SCHIP1: variants seen among roughly 807,000 people sequenced by gnomAD.
SCHIP1 encodes the protein schwannomin-interacting protein 1.
SCHIP1 carries 8 observed loss-of-function variants against 29.7 expected under a neutral mutation model. That is an observed-to-expected ratio of 0.27 (90% CI 0.16 to 0.49). The LOEUF is 0.49. Among genes scored for constraint, SCHIP1 ranks in the 20% least tolerant of loss-of-function variants. The probability of loss-of-function intolerance (pLI) is 0.99; values close to 1 mark genes in which losing one functional copy is unlikely to be tolerated. For missense variants in SCHIP1, 193 were observed against 294.6 expected (o/e 0.66, Z 2.52); for synonymous variants, 76 against 94.9 (o/e 0.80, Z 1.16).
chr3:159,831,761 G>A, the SCHIP1 span, among the ~76,000 whole-genome samples: 2,056 of 152,140 alleles, frequency 0.014, 40 homozygotes, highest in African/African-American at 0.047. Context: ...ATGGCACGAG[G>A]GTTCATCAGA....
At chr3:159,314,374 T>C in the SCHIP1 span, among the ~76,000 whole-genome samples, 36 of 152,218 alleles carry the variant, frequency 2.4e-4, no homozygotes, top group African/African-American at 7.2e-4. Flanking sequence ...AGATCAATAC[T>C]CCATTTCATT....
intron 2 of SCHIP1, among the ~76,000 whole-genome samples, chr3:159,880,684 C>T (rs1716348821): frequency 6.6e-6 from 1 of 152,190 alleles, no homozygotes; most frequent in Admixed American, 6.5e-5. Flanking sequence ...TACTCAGCAC[C>T]AGCCTATTGG....
chr3:159,892,373 A>G (rs1207820376), intron 6 of SCHIP1, 183 bp downstream of exon 7: 4 of 661,142 alleles, frequency 6.1e-6, no homozygotes, highest in Non-Finnish European at 1.0e-5. Flanking sequence ...TACCAAATGC[A>G]TGCTTTTTAG....
chr3:159,675,758 C>T, the SCHIP1 span, among the ~76,000 whole-genome samples: 2 of 152,172 alleles, frequency 1.3e-5, no homozygotes, highest in Non-Finnish European at 2.9e-5. Context: ...GAAATCTATG[C>T]AAAGAAAAGT....
chr3:159,397,594 T>C, the SCHIP1 span, among the ~76,000 whole-genome samples: 1 of 152,174 alleles, frequency 6.6e-6, no homozygotes, highest in Non-Finnish European at 1.5e-5. Flanking sequence ...GAGGTGTCAA[T>C]CTTCCCCTGC....
At chr3:159,752,204 G>A in the SCHIP1 span, among the ~76,000 whole-genome samples, 496 of 152,058 alleles carry the variant, frequency 3.3e-3, 4 homozygotes, top group African/African-American at 0.011. Context: ...TCTTTATAGC[G>A]GTGCAAGAAC....
the SCHIP1 span, among the ~76,000 whole-genome samples, chr3:159,722,644 G>A: frequency 6.6e-5 from 10 of 152,180 alleles, no homozygotes; most frequent in Non-Finnish European, 1.5e-5. Context: ...GTGCGAGAGA[G>A]AAGCATGTAT....
the SCHIP1 span, among the ~76,000 whole-genome samples, chr3:159,313,811 C>T: frequency 6.6e-6 from 1 of 152,074 alleles, no homozygotes; most frequent in African/African-American, 2.4e-5. Flanking sequence ...TGCAACTGGT[C>T]CTCATTATTG....
At chr3:159,570,520 C>A in the SCHIP1 span, among the ~76,000 whole-genome samples, 1 of 152,134 alleles carries the variant, frequency 6.6e-6, no homozygotes, top group Non-Finnish European at 1.5e-5. Context: ...GTTTTGGTAC[C>A]AGTGCCATGC....
At chr3:159,819,379 G>A in the SCHIP1 span, among the ~76,000 whole-genome samples, 12 of 152,276 alleles carry the variant, frequency 7.9e-5, no homozygotes, top group South Asian at 2.3e-3. Flanking sequence ...CCACACTTAA[G>A]GGGAAGGGAA....
the SCHIP1 span, chr3:159,387,311 A>G: frequency 3.3e-6 from 1 of 307,024 alleles, no homozygotes; most frequent in Non-Finnish European, 6.4e-6. Context: ...GCCCCCAGGA[A>G]AAAGTCAATT....
chr3:159,406,098 A>G, the SCHIP1 span, among the ~76,000 whole-genome samples: 3 of 151,704 alleles, frequency 2.0e-5, no homozygotes, highest in Non-Finnish European at 4.4e-5. Context: ...CTAGAGGAAG[A>G]TATCAATATT....
chr3:159,427,600 G>A, the SCHIP1 span, among the ~76,000 whole-genome samples: 10 of 150,886 alleles, frequency 6.6e-5, no homozygotes, highest in South Asian at 2.1e-4. Flanking sequence ...AATCAATATC[G>A]TGAAAATGGC....
chr3:159,572,934 GT>G, the SCHIP1 span, among the ~76,000 whole-genome samples: 33,457 of 140,092 alleles, frequency 0.24, 6,491 homozygotes, highest in African/African-American at 0.55. Context: ...GCAACCTCTG[GT>G]TTTTTTTTTT....
the SCHIP1 span, among the ~76,000 whole-genome samples, chr3:159,374,578 T>A: frequency 6.6e-6 from 1 of 152,102 alleles, no homozygotes; most frequent in Non-Finnish European, 1.5e-5. Flanking sequence ...CATGACAAAA[T>A]CAATTCATGC....
At chr3:159,829,786 A>G in the SCHIP1 span, among the ~76,000 whole-genome samples, 2 of 152,230 alleles carry the variant, frequency 1.3e-5, no homozygotes, top group African/African-American at 4.8e-5. Flanking sequence ...GTTCAGTGCC[A>G]GGTTAGGATC....
chr3:159,597,675 G>T, the SCHIP1 span, among the ~76,000 whole-genome samples: 1 of 151,950 alleles, frequency 6.6e-6, no homozygotes, highest in African/African-American at 2.4e-5. Context: ...ATCCATTCAC[G>T]CATTGATGGA....
the SCHIP1 span, among the ~76,000 whole-genome samples, chr3:159,777,878 T>C: frequency 2.6e-5 from 4 of 152,264 alleles, no homozygotes; most frequent in Non-Finnish European, 5.9e-5. Flanking sequence ...AGGTTGGGAC[T>C]CTTTTTTCCT....
At chr3:159,428,370 C>T in the SCHIP1 span, among the ~76,000 whole-genome samples, 1 of 150,816 alleles carries the variant, frequency 6.6e-6, no homozygotes, top group East Asian at 1.9e-4. Flanking sequence ...ACAACCCCAT[C>T]AAAAAGTGGG....
Sources: gnomAD v4.1 joint callset for allele counts (sites outside exome capture counted in the v4.1 genomes callset) on GRCh38, gnomAD v4.1.1 for gene constraint, MANE v1.5 for transcripts, NCBI Gene and HGNC (gene_info 2026-07-23, HGNC 2026-07-21) for gene names.